The following FAM53C variants were observed in gnomAD, a reference collection of about 807,000 sequenced individuals.
FAM53C encodes protein FAM53C.
A neutral mutation model predicts 34.7 loss-of-function variants in FAM53C; 10 were observed. The observed-to-expected ratio is 0.29, with a 90% CI of 0.18 to 0.49. FAM53C has a LOEUF of 0.49. Among genes scored for constraint, FAM53C ranks in the 20% least tolerant of loss-of-function variants. The pLI, the probability that FAM53C is intolerant of heterozygous loss-of-function variation, is 0.99. For missense variants in FAM53C, 442 were observed against 515.3 expected (o/e 0.86, Z 1.38); for synonymous variants, 203 against 203.6 (o/e 1.00, Z 0.03).
intron 4 of FAM53C, among the ~76,000 whole-genome samples, chr5:138,346,400 C>T (rs1467077378): frequency 2.0e-5 from 3 of 152,182 alleles, no homozygotes; most frequent in African/African-American, 7.2e-5. Flanking sequence ...CCAAGGCAGG[C>T]GGATCATGAG....
At chr5:138,346,654 A>G in intron 4 of FAM53C, 48 bp from the exon 5 acceptor site, 1 of 1,608,526 alleles carries the variant, frequency 6.2e-7, no homozygotes, top group Non-Finnish European at 8.5e-7. Context: ...CCTCACCCTA[A>G]AGAATTCTTG....
rs187712586 is a variant in FAM53C at position 138,345,404 on chromosome 5, C to T, written c.716C>T (p.Pro239Leu). The change falls in exon 4 of 5, where the codon CCG becomes CTG. Residue 239 changes from proline (P) to leucine (L), a missense_variant. Transcript: ENST00000239906. This position sits in a 1 kb window ranked among gnomAD's most constrained non-coding sequence, Gnocchi z 6.3. ...TTCTCCCTGTCACCCAGTCTGGGCC[C>T]GCAGGCAAGCCGCTTCTTGCCCTCT... ...RRFSLSPSLG[P>L]QASRFLPSAR... 1.6e-5 allele frequency: 26 copies of T among 1,613,996 alleles called. No homozygotes were observed. Among genetic ancestry groups the T allele is most frequent in the Admixed American group, 1.2e-4 (7 of 60,030 alleles).
At chr5:138,341,043 C>T in intron 1 of FAM53C, 141 bp from the exon 2 acceptor site, 2 of 470,962 alleles carry the variant, frequency 4.2e-6, no homozygotes, top group Admixed American at 2.8e-5. Flanking sequence ...TGTGTTTAGG[C>T]TTAGCTGGAA....
intron 3 of FAM53C, among the ~76,000 whole-genome samples, chr5:138,344,047 A>G (rs1417326230): frequency 6.6e-6 from 1 of 152,150 alleles, no homozygotes; most frequent in African/African-American, 2.4e-5. Flanking sequence ...CGTCTCCCAA[A>G]AGTCACAATT....
chr5:138,346,855 G>T lies in FAM53C; in HGVS notation c.1075G>T (p.Glu359Ter). The change falls in exon 5 of 5, where the codon GAG (glutamate) becomes TAG (stop). Residue 359 changes from glutamate (E) to a stop codon, truncating the protein, a stop_gained. Transcript: ENST00000239906. LOFTEE classifies it high-confidence loss of function. ...CCAGGTGCTGAGTGAAAGCGAAGAGGAGGAGGAGGGGGCTGTGCGGTGGGG... is the reference window on the plus strand; with the variant it reads ...CCAGGTGCTGAGTGAAAGCGAAGAGTAGGAGGAGGGGGCTGTGCGGTGGGG... ...SSQVLSESEE[E>*]EEGAVRWGRQ... 6.2e-7 allele frequency: 1 copy of T among 1,614,146 alleles called. No individual in the cohort carries two copies. Among genetic ancestry groups the T allele is most frequent in the Non-Finnish European group, 8.5e-7 (1 of 1,180,030 alleles).
intron 1 of FAM53C, among the ~76,000 whole-genome samples, chr5:138,340,713 T>G (rs1360028293): frequency 6.6e-6 from 1 of 152,262 alleles, no homozygotes; most frequent in Non-Finnish European, 1.5e-5. Flanking sequence ...CATAAAATCC[T>G]ATGTACTCAG....
At chr5:138,343,343 C>G (rs1761083977) in intron 3 of FAM53C, among the ~76,000 whole-genome samples, 1 of 151,784 alleles carries the variant, frequency 6.6e-6, no homozygotes, top group African/African-American at 2.4e-5. Flanking sequence ...AACCCCGTCT[C>G]TATTAAAAAT....
intron 2 of FAM53C, 132 bp from the exon 3 acceptor site, chr5:138,341,677 A>G (rs1761037170): frequency 1.2e-6 from 1 of 860,112 alleles, no homozygotes; most frequent in Non-Finnish European, 1.9e-6. Context: ...TTGGGAAGAC[A>G]AGAGGAAGAA....
intron 3 of FAM53C, among the ~76,000 whole-genome samples, chr5:138,344,038 G>A (rs552976512): frequency 2.6e-5 from 4 of 152,188 alleles, no homozygotes; most frequent in African/African-American, 7.2e-5. Flanking sequence ...TTAATGAGCC[G>A]TCTCCCAAAA....
intron 1 of FAM53C, among the ~76,000 whole-genome samples, chr5:138,338,571 C>A (rs941371103): frequency 1.4e-5 from 2 of 147,754 alleles, no homozygotes; most frequent in African/African-American, 5.0e-5. Flanking sequence ...GACAGCCCCC[C>A]TGAGCGAGCC....
chr5:138,343,158 T>C (rs1411124547), intron 3 of FAM53C: 2 of 152,172 alleles, frequency 1.3e-5, no homozygotes, highest in Non-Finnish European at 1.5e-5. Flanking sequence ...CAGTGGCTTA[T>C]TTAATGAGTT....
chr5:138,343,304 G>A (rs1554123738), intron 3 of FAM53C, among the ~76,000 whole-genome samples: 1 of 151,956 alleles, frequency 6.6e-6, no homozygotes, highest in African/African-American at 2.4e-5. Flanking sequence ...GAAGCCAGGA[G>A]TTCGAGACCA....
chr5:138,341,397 G>A lies in FAM53C; in HGVS notation c.62G>A (p.Arg21His), dbSNP rs368443404. The A allele has an allele frequency of 9.3e-6, 15 of 1,613,526 alleles. No homozygotes were observed. The Admixed American group carries it at 1.3e-4, about 14-fold the overall frequency. Residue 21 changes from arginine (R) to histidine (H), a missense_variant, in exon 2 of 5, where the codon CGC becomes CAC. Physicochemically the swap from Arg to His is conservative, Grantham distance 29 (BLOSUM62 0). Transcript: ENST00000239906. ...ACTCTGGATGAGCTGAAATGCACACGCTTCAGCATCAGTCTGGTAAAAGAC... is the reference window on the plus strand; with the variant it reads ...ACTCTGGATGAGCTGAAATGCACACACTTCAGCATCAGTCTGGTAAAAGAC... ...KQTLDELKCT[R>H]FSISLPLPDH... is the part of the protein sequence containing the mutation.
chr5:138,341,067 A>G (rs1761019916), intron 1 of FAM53C, 117 bp from the exon 2 acceptor site: 17 of 544,688 alleles, frequency 3.1e-5, no homozygotes, highest in South Asian at 2.8e-4. Context: ...GCTGTGATCA[A>G]TTGATGTCTG....
Position 138,345,738 on chromosome 5 carries a change from C to G in FAM53C, c.921+129C>G. The G allele has an allele frequency of 9.2e-7, 1 of 1,081,098 alleles. No homozygotes were observed. The highest frequency in any genetic ancestry group is 1.3e-6 in the Non-Finnish European group (1 of 759,214). The allele number at this position is 1,081,098 out of a possible 1,614,324, so 67.0% of individuals were successfully genotyped here. ...CAACAGCACCTCCTTTAGCTCTTAG[C>G]TAGGGTGACCTACCATCCCAGTTTG... On this transcript the variant is annotated intron_variant, in intron 4 of 4. Transcript: ENST00000239906. This position sits in a 1 kb window ranked among gnomAD's most constrained non-coding sequence, Gnocchi z 6.3.
chr5:138,345,383 C>G lies in FAM53C; in HGVS notation c.695C>G (p.Ser232Cys). The change falls in exon 4 of 5, where the codon TCC becomes TGC. Residue 232 changes from serine to cysteine, a missense_variant. Ser to Cys is a moderately radical substitution (Grantham distance 112). Transcript: ENST00000239906. This position sits in a 1 kb window ranked among gnomAD's most constrained non-coding sequence, Gnocchi z 6.3. ...LSPCPPQRRF[S>C]LSPSLGPQAS... ...CCTTGCCCACCTCAGCGCCGCTTCT[C>G]CCTGTCACCCAGTCTGGGCCCGCAG... is the stretch of plus-strand genomic sequence containing the variant. 9.9e-6 allele frequency: 16 copies of G among 1,614,156 alleles called. No homozygotes were observed. The highest frequency in any genetic ancestry group is 1.4e-5 in the Non-Finnish European group (16 of 1,180,046).
In FAM53C at chr5:138,344,844, C is replaced by T; in HGVS notation, c.156C>T (p.Gly52=). ...QLVSEGASWR[G]LPHCSCAEFQ... ...TTCCAGAAGGTGCTTCCTGGAGGGGCCTGCCCCACTGTTCCTGTGCTGAGT... is the reference window on the plus strand; with the variant it reads ...TTCCAGAAGGTGCTTCCTGGAGGGGTCTGCCCCACTGTTCCTGTGCTGAGT... Residue 52 remains glycine, a synonymous_variant, in exon 4 of 5, where the codon GGC becomes GGT. Transcript: ENST00000239906. 1.3e-6 allele frequency: 2 copies of T among 1,565,352 alleles called. No individual in the cohort carries two copies. Among genetic ancestry groups the T allele is most frequent in the Admixed American group, 2.0e-5 (1 of 51,174 alleles).
Position 138,347,150 on chromosome 5 carries a change from G to A in FAM53C, c.*191G>A, listed in dbSNP as rs1250665633. The A allele has an allele frequency of 8.9e-6, 7 of 784,196 alleles. No individual in the cohort carries two copies. The Admixed American group carries it at 1.2e-4, about 13-fold the overall frequency. The allele number at this position is 784,196 out of a possible 1,614,324, so 48.6% of individuals were successfully genotyped here. ...AGAGACTGGCCGGGACAAGATAAAC[G>A]GAGCTGGTGGCGGGAGGGACAGCCC... On this transcript the variant is annotated 3_prime_UTR_variant, in exon 5 of 5. Transcript: ENST00000239906.
At chr5:138,338,597 C>T (rs1760902026) in intron 1 of FAM53C, among the ~76,000 whole-genome samples, 1 of 150,680 alleles carries the variant, frequency 6.6e-6, no homozygotes, top group Non-Finnish European at 1.5e-5. Flanking sequence ...GCACCCCCCC[C>T]CCCGCCCCGG....
Sources: gnomAD v4.1 joint callset for allele counts (sites outside exome capture counted in the v4.1 genomes callset) on GRCh38, gnomAD v4.1.1 for gene constraint, Gnocchi (gnomAD v3.1) non-coding constraint, MANE v1.5 for transcripts, NCBI Gene and HGNC (gene_info 2026-07-23, HGNC 2026-07-21) for gene names.